The following PPP2R5A variants were observed in gnomAD, a reference collection of about 807,000 sequenced individuals.
The protein encoded by PPP2R5A is protein phosphatase 2 regulatory subunit B'alpha, also known as serine/threonine-protein phosphatase 2A 56 kDa regulatory subunit alpha isoform.
PPP2R5A carries 25 observed loss-of-function variants against 64.2 expected under a neutral mutation model. The ratio of observed to expected loss-of-function variants is 0.39; its 90% CI spans 0.28 to 0.54. The LOEUF (loss-of-function observed/expected upper bound fraction) is 0.54, where lower values mean the gene tolerates loss of function less well. PPP2R5A is among the 20% of genes least tolerant of loss of function. PPP2R5A has a pLI of 0.67. For synonymous variants in PPP2R5A, 198 were observed against 201.2 expected (o/e 0.98, Z 0.13); for missense variants, 425 against 576.3 (o/e 0.74, Z 2.69).
chr1:212,357,817 A>AAAAAAG (rs1410466303), intron 11 of PPP2R5A: 1 of 151,670 alleles, frequency 6.6e-6, no homozygotes, highest in Non-Finnish European at 1.5e-5. Context: ...AAAAAAAAAA[A>AAAAAAG]AGAGAGTCTT....
chr1:212,321,367 G>T (rs1359476103), intron 1 of PPP2R5A, among the ~76,000 whole-genome samples: 2 of 151,476 alleles, frequency 1.3e-5, no homozygotes, highest in African/African-American at 2.4e-5. Context: ...CGGGCGGGGG[G>T]CTGACCCCCA....
intron 1 of PPP2R5A, among the ~76,000 whole-genome samples, chr1:212,323,764 A>C (rs1386069175): frequency 6.6e-6 from 1 of 152,180 alleles, no homozygotes; most frequent in African/African-American, 2.4e-5. Flanking sequence ...GCCCAGAGAA[A>C]GTCTTTTTTA....
Position 212,349,189 on chromosome 1 carries a change from C to T in PPP2R5A, c.874C>T (p.Leu292=). 1 of 1,541,310 alleles carries T rather than the reference C, an allele frequency of 6.5e-7. No individual in the cohort carries two copies. Among genetic ancestry groups the T allele is most frequent in the Non-Finnish European group, 8.8e-7 (1 of 1,132,358 alleles). Residue 292 remains leucine (L), a splice_region_variant and synonymous_variant, in exon 8 of 13, where the codon CTA becomes TTA. Coordinates refer to ENST00000261461, the MANE Select transcript of PPP2R5A (RefSeq NM_006243.4). ...TTATAAACTGTCCCTTACCTTTTAG[C>T]TAGCATATTGTGTTGTACAGTTCCT... is the stretch of plus-strand genomic sequence containing the variant. ...AKGLALFHAQ[L]AYCVVQFLEK... is the part of the protein sequence containing the mutation.
intron 8 of PPP2R5A, among the ~76,000 whole-genome samples, chr1:212,355,683 T>TA (rs1558156119): frequency 3.3e-5 from 5 of 152,120 alleles, no homozygotes; most frequent in Non-Finnish European, 5.9e-5. Context: ...TTTTTTTTTT[T>TA]ATTTCCCCTT....
intron 1 of PPP2R5A, among the ~76,000 whole-genome samples, chr1:212,308,172 C>T (rs1023528180): frequency 3.3e-5 from 5 of 152,086 alleles, no homozygotes; most frequent in Non-Finnish European, 5.9e-5. Context: ...TTTCTTTGAG[C>T]ACTTTGAATA....
At chr1:212,313,557 C>T (rs556517334) in intron 1 of PPP2R5A, among the ~76,000 whole-genome samples, 15 of 151,648 alleles carry the variant, frequency 9.9e-5, no homozygotes, top group African/African-American at 3.6e-4. Context: ...TTCTTGTCCA[C>T]ATTTAATTTT....
At chr1:212,351,037 G>A (rs1384593906) in intron 8 of PPP2R5A, among the ~76,000 whole-genome samples, 1 of 150,930 alleles carries the variant, frequency 6.6e-6, no homozygotes, top group Non-Finnish European at 1.5e-5. Flanking sequence ...TCAGCTACTA[G>A]GGAGGCCGAG....
At chr1:212,313,592 G>T (rs1388173782) in intron 1 of PPP2R5A, among the ~76,000 whole-genome samples, 3 of 150,274 alleles carry the variant, frequency 2.0e-5, no homozygotes, top group African/African-American at 4.9e-5. Context: ...ACTAATTTTT[G>T]TGTGTGAAGG....
intron 2 of PPP2R5A, among the ~76,000 whole-genome samples, chr1:212,332,016 C>T (rs1314058095): frequency 6.6e-6 from 1 of 152,070 alleles, no homozygotes; most frequent in Non-Finnish European, 1.5e-5. Flanking sequence ...TTAACTTTTT[C>T]TTTTACTACT....
intron 1 of PPP2R5A, among the ~76,000 whole-genome samples, chr1:212,293,392 G>A (rs1176466470): frequency 6.6e-6 from 1 of 152,164 alleles, no homozygotes; most frequent in Admixed American, 6.5e-5. Flanking sequence ...TTATAAGGAT[G>A]TCCTTGAAGG....
intron 1 of PPP2R5A, among the ~76,000 whole-genome samples, chr1:212,321,444 G>C (rs1293365557): frequency 6.6e-6 from 1 of 150,480 alleles, no homozygotes; most frequent in Admixed American, 6.6e-5. Flanking sequence ...AGTGGCTGCC[G>C]GGCGGAGGGG....
chr1:212,328,966 G>A (rs1397746626), intron 1 of PPP2R5A, among the ~76,000 whole-genome samples, 169 bp from the exon 2 acceptor site: 2 of 151,890 alleles, frequency 1.3e-5, no homozygotes. Flanking sequence ...GAGGGAGAGA[G>A]AAGAGTCCAG....
At chr1:212,334,420 A>G (rs1396747043) in intron 3 of PPP2R5A, among the ~76,000 whole-genome samples, 1 of 151,888 alleles carries the variant, frequency 6.6e-6, no homozygotes, top group East Asian at 1.9e-4. Flanking sequence ...TCAGCCTCCT[A>G]AGTAGCTGCA....
chr1:212,309,176 T>G (rs1658977862), intron 1 of PPP2R5A: 11 of 1,331,334 alleles, frequency 8.3e-6, no homozygotes, highest in Non-Finnish European at 1.2e-5. Flanking sequence ...TCATAGAGCT[T>G]CTTCACAGCC....
chr1:212,304,122 A>G (rs556070475), intron 1 of PPP2R5A, among the ~76,000 whole-genome samples: 2 of 152,206 alleles, frequency 1.3e-5, no homozygotes, highest in East Asian at 1.9e-4. Flanking sequence ...TTGGTATGTT[A>G]TGTCTTCATT....
At chr1:212,346,381 C>T (rs975593384) in intron 5 of PPP2R5A, among the ~76,000 whole-genome samples, 7 of 151,828 alleles carry the variant, frequency 4.6e-5, no homozygotes, top group African/African-American at 1.7e-4. Flanking sequence ...AGTCATCCCT[C>T]AGTATCTGGG....
rs1342454882 is a variant in PPP2R5A at position 212,356,936 on chromosome 1, T to C, written c.979-14T>C. Reference sequence around the variant, plus strand: ...ATTTATCATGTTTCTTAAAATAAAATTTTTTTAACCTAGGTGATGTTTTTA... The same window carrying C: ...ATTTATCATGTTTCTTAAAATAAAACTTTTTTAACCTAGGTGATGTTTTTA... On this transcript the variant is annotated splice_polypyrimidine_tract_variant and intron_variant, in intron 9 of 12. Coordinates refer to ENST00000261461, the MANE Select transcript of PPP2R5A (RefSeq NM_006243.4). 1.3e-6 allele frequency: 2 copies of C among 1,507,132 alleles called. No homozygotes were observed. The highest frequency in any genetic ancestry group is 2.8e-5 in the African/African-American group (2 of 70,828). 93.4% of individuals were successfully genotyped at this position (1,507,132 alleles called of 1,614,324 possible).
chr1:212,308,509 A>G (rs1317967246), intron 1 of PPP2R5A, among the ~76,000 whole-genome samples: 1 of 151,704 alleles, frequency 6.6e-6, no homozygotes, highest in Non-Finnish European at 1.5e-5. Flanking sequence ...CTCAGGTTCA[A>G]GTGATTCTCC....
chr1:212,303,750 G>A (rs12128965), intron 1 of PPP2R5A, among the ~76,000 whole-genome samples: 62 of 151,934 alleles, frequency 4.1e-4, no homozygotes, highest in African/African-American at 1.3e-3. Flanking sequence ...TCATTATTTT[G>A]TGTGTAGTTA....
Sources: allele counts gnomAD v4.1 joint callset (sites outside exome capture counted in the v4.1 genomes callset), GRCh38; gene constraint gnomAD v4.1.1; transcripts MANE v1.5; gene names NCBI Gene and HGNC (gene_info 2026-07-23, HGNC 2026-07-21).